Variants in WARS1 observed in about 807,000 individuals in gnomAD.
The protein encoded by WARS1 is tryptophanyl-tRNA synthetase 1.
WARS1 carries 17 observed loss-of-function variants against 47.8 expected under a neutral mutation model. That is an observed-to-expected ratio of 0.36 (90% CI 0.24 to 0.53). The LOEUF is 0.53. WARS1 is among the 20% of genes least tolerant of loss of function. The probability of loss-of-function intolerance (pLI) is 0.91; values close to 1 mark genes in which losing one functional copy is unlikely to be tolerated. For synonymous variants in WARS1, 208 were observed against 228.1 expected (o/e 0.91, Z 0.79); for missense variants, 434 against 608.0 (o/e 0.71, Z 3.01).
intron 2 of WARS1, among the ~76,000 whole-genome samples, chr14:100,363,718 G>GT (rs1035188593): frequency 1.3e-5 from 2 of 151,836 alleles, no homozygotes; most frequent in Non-Finnish European, 2.9e-5. Flanking sequence ...CAGAACATCA[G>GT]TTTTTTTTAG....
At chr14:100,338,527 G>A (rs748150651) in intron 9 of WARS1, among the ~76,000 whole-genome samples, 14 of 150,754 alleles carry the variant, frequency 9.3e-5, no homozygotes, top group African/African-American at 3.4e-4. Context: ...TTGGCCTCCC[G>A]AAGTGCTGGG....
intron 2 of WARS1, chr14:100,368,422 G>A (rs368497846): frequency 2.2e-6 from 1 of 455,934 alleles, no homozygotes; most frequent in East Asian, 6.9e-5. Context: ...ACGGGAAGTG[G>A]TTGTGAAGGT....
intron 4 of WARS1, among the ~76,000 whole-genome samples, chr14:100,360,066 G>A (rs574455284): frequency 1.4e-4 from 21 of 152,298 alleles, no homozygotes; most frequent in South Asian, 1.0e-3. Flanking sequence ...ATATCTTGAC[G>A]TTATCTGCGT....
intron 2 of WARS1, among the ~76,000 whole-genome samples, chr14:100,365,728 C>T (rs894326128): frequency 1.4e-5 from 2 of 141,784 alleles, no homozygotes; most frequent in African/African-American, 5.2e-5. Flanking sequence ...CAGAGATCTT[C>T]TTTTTTTTTT....
At chr14:100,342,640 C>T (rs935672288) in intron 8 of WARS1, 69 bp from the exon 9 acceptor site, 2 of 1,441,818 alleles carry the variant, frequency 1.4e-6, no homozygotes, top group Admixed American at 2.2e-5. Context: ...ATGAGCAGTC[C>T]CTGTGAGCAT....
At chr14:100,354,648 TATAGAC>T in intron 4 of WARS1, 82 bp from the exon 5 acceptor site, 2 of 1,461,902 alleles carry the variant, frequency 1.4e-6, no homozygotes, top group Non-Finnish European at 1.8e-6. Context: ...AAATGGAAAA[TATAGAC>T]AGAGACGAAA....
At chr14:100,347,698 T>C (rs1049891517) in intron 6 of WARS1, among the ~76,000 whole-genome samples, 1 of 152,114 alleles carries the variant, frequency 6.6e-6, no homozygotes, top group African/African-American at 2.4e-5. Flanking sequence ...TGCCTCAGCC[T>C]CCTGAGTAGC....
intron 1 of WARS1, among the ~76,000 whole-genome samples, chr14:100,369,667 C>T (rs914336498): frequency 6.6e-6 from 1 of 151,594 alleles, no homozygotes; most frequent in Non-Finnish European, 1.5e-5. Flanking sequence ...AAACTTTTGG[C>T]AAATTACTAT....
chr14:100,368,360 G>A, intron 2 of WARS1: 1 of 454,148 alleles, frequency 2.2e-6, no homozygotes, highest in Non-Finnish European at 4.4e-6. Context: ...TAATGTCAGT[G>A]TACAGATACT....
At position 100,334,740 on chromosome 14, in the gene WARS1, A is replaced by G; in HGVS notation, c.*135T>C. 1 of 958,172 alleles carries G rather than the reference A, an allele frequency of 1.0e-6. No homozygotes were observed. Among genetic ancestry groups the G allele is most frequent in the South Asian group, 1.7e-5 (1 of 60,080 alleles). The allele number at this position is 958,172 out of a possible 1,614,324, so 59.4% of individuals were successfully genotyped here. The stretch of plus-strand genomic sequence containing the variant: ...CAGGAAGAAACAGTATTGATAACAT[A>G]CACAGGCTTACAGAGGCCAGGCCCA... On this transcript the variant is annotated 3_prime_UTR_variant, in exon 11 of 11. Coordinates refer to ENST00000392882, the MANE Select transcript of WARS1 (RefSeq NM_004184.4).
chr14:100,355,658 G>T (rs12892489), intron 4 of WARS1, among the ~76,000 whole-genome samples: 52,899 of 151,800 alleles, frequency 0.35, 11,631 homozygotes, highest in South Asian at 0.66. Context: ...CTTTTCCAGA[G>T]GTCTGGATAG....
chr14:100,370,928 G>A (rs1035862851), intron 1 of WARS1, among the ~76,000 whole-genome samples: 1 of 152,058 alleles, frequency 6.6e-6, no homozygotes, highest in African/African-American at 2.4e-5. Flanking sequence ...GGGTGACAGA[G>A]TAAGACCCTG....
At chr14:100,357,464 A>T (rs1595442208) in intron 4 of WARS1, among the ~76,000 whole-genome samples, 1 of 145,432 alleles carries the variant, frequency 6.9e-6, no homozygotes, top group Non-Finnish European at 1.5e-5. Flanking sequence ...CATCAATTGT[A>T]TTTTTTTTTT....
Position 100,361,852 on chromosome 14 carries a change from C to A in WARS1, c.169G>T (p.Asp57Tyr). Residue 57 changes from aspartate (D) to tyrosine (Y), a missense_variant, in exon 3 of 11, where the codon GAT becomes TAT. Asp to Tyr is a radical substitution (Grantham distance 160, BLOSUM62 -3). This residue lies in a region of WARS1 where 87 missense variants were observed against 84.2 expected (regional missense o/e 1.03). Transcript: ENST00000392882. ...CCTGGAGGACAGTCAGCCTTGTAAT[C>A]CTCCCCCGCGGCAGCTTTGTAGCTC... ...KMSYKAAAGE[D>Y]YKADCPPGNP... The A allele has an allele frequency of 1.2e-6, 2 of 1,614,126 alleles. No homozygotes were observed. The highest frequency in any genetic ancestry group is 4.5e-5 in the East Asian group (2 of 44,882).
intron 2 of WARS1, among the ~76,000 whole-genome samples, chr14:100,363,011 G>A (rs533814477): frequency 6.6e-6 from 1 of 152,266 alleles, no homozygotes; most frequent in South Asian, 2.1e-4. Flanking sequence ...CAATGGATAC[G>A]ATTCATAGAT....
intron 4 of WARS1, among the ~76,000 whole-genome samples, chr14:100,356,400 G>C (rs529535699): frequency 8.4e-6 from 1 of 118,514 alleles, no homozygotes; most frequent in Non-Finnish European, 1.7e-5. Context: ...TGTGTGTGTG[G>C]GGGGGGGTGT....
intron 9 of WARS1, chr14:100,339,700 TC>T (rs1894031834): frequency 6.6e-6 from 1 of 151,468 alleles, no homozygotes; most frequent in Non-Finnish European, 1.5e-5. Context: ...TCTCCTAGCA[TC>T]TAAGTGCCTG....
At chr14:100,355,817 A>G (rs1433988605) in intron 4 of WARS1, among the ~76,000 whole-genome samples, 1 of 152,116 alleles carries the variant, frequency 6.6e-6, no homozygotes, top group Non-Finnish European at 1.5e-5. Context: ...AAATGCTCAC[A>G]TACTGCTTTT....
At chr14:100,350,264 C>A (rs564083801) in intron 6 of WARS1, among the ~76,000 whole-genome samples, 2 of 151,740 alleles carry the variant, frequency 1.3e-5, no homozygotes, top group Non-Finnish European at 2.9e-5. Context: ...TGGTGGCGGG[C>A]GCCTGTAATC....
Sources: allele counts gnomAD v4.1 joint callset (sites outside exome capture counted in the v4.1 genomes callset), GRCh38; gene constraint gnomAD v4.1.1; regional missense constraint gnomAD v4.1.1; transcripts MANE v1.5; gene names NCBI Gene and HGNC (gene_info 2026-07-23, HGNC 2026-07-21).